The following NOCT variants were observed in gnomAD, a reference collection of about 807,000 sequenced individuals.
The protein encoded by NOCT is CCR4 carbon catabolite repression 4-like.
A neutral mutation model predicts 35.0 loss-of-function variants in NOCT; 18 were observed. The ratio of observed to expected loss-of-function variants is 0.51; its 90% CI spans 0.36 to 0.76. The LOEUF is 0.76. Among genes scored for constraint, NOCT ranks in the 30% least tolerant of loss-of-function variants. The probability of loss-of-function intolerance (pLI) is 0.01; values close to 1 mark genes in which losing one functional copy is unlikely to be tolerated. For synonymous variants in NOCT, 235 were observed against 226.3 expected (o/e 1.04, Z -0.34); for missense variants, 479 against 541.0 (o/e 0.89, Z 1.14).
chr4:139,042,472 G>T (rs1726849890), intron 1 of NOCT, among the ~76,000 whole-genome samples: 1 of 152,114 alleles, frequency 6.6e-6, no homozygotes, highest in African/African-American at 2.4e-5. Context: ...CAAATCCTAG[G>T]TTAGAAGAGG....
At chr4:139,026,553 C>CTT (rs112368628) in intron 1 of NOCT, among the ~76,000 whole-genome samples, 5 of 140,592 alleles carry the variant, frequency 3.6e-5, no homozygotes, top group Admixed American at 7.1e-5. Context: ...TTTCATACTT[C>CTT]TTTTTTTTTT....
intron 1 of NOCT, among the ~76,000 whole-genome samples, chr4:139,041,465 C>T (rs920059611): frequency 1.3e-5 from 2 of 152,200 alleles, no homozygotes; most frequent in Admixed American, 1.3e-4. Context: ...TTGGATGTTA[C>T]TCCCAGTAAA....
intron 1 of NOCT, among the ~76,000 whole-genome samples, chr4:139,029,862 G>A (rs1192928085): frequency 2.6e-5 from 4 of 152,102 alleles, no homozygotes; most frequent in Non-Finnish European, 1.5e-5. Flanking sequence ...TGATGGGTGC[G>A]CACACCACAG....
chr4:139,042,927 A>AG (rs1214317676), intron 1 of NOCT, 147 bp from the exon 2 acceptor site: 93 of 698,578 alleles, frequency 1.3e-4, no homozygotes, highest in Admixed American at 2.3e-4. Context: ...AAAAAAAAAA[A>AG]AAGAAAAAAG....
intron 1 of NOCT, among the ~76,000 whole-genome samples, chr4:139,041,299 TTGAGA>T: frequency 6.6e-6 from 1 of 152,212 alleles, no homozygotes; most frequent in East Asian, 1.9e-4. Context: ...GACTGCTAGT[TTGAGA>T]TGTGATTGAT....
intron 1 of NOCT, among the ~76,000 whole-genome samples, chr4:139,038,106 A>G (rs910807797): frequency 1.3e-5 from 2 of 151,912 alleles, no homozygotes; most frequent in African/African-American, 4.8e-5. Context: ...AGGCTGAGGA[A>G]GGAGAGTCGC....
In NOCT at chr4:139,045,007, G is replaced by T. The variant is rs764569893; in HGVS notation, c.829G>T (p.Gly277Cys). Residue 277 changes from glycine (G) to cysteine (C), a missense_variant, in exon 3 of 3, where the codon GGC (glycine) becomes TGC (cysteine). Around this residue, in one of 2 missense-constraint regions of NOCT, gnomAD observed 214 missense variants for 284.0 expected, o/e 0.75. Transcript: ENST00000280614. ...ACAGACCCTGGAGTGCAAGGAGTCAGGCCGACAGTTCTGCATCGCTGTTAC... is the reference window on the plus strand; with the variant it reads ...ACAGACCCTGGAGTGCAAGGAGTCATGCCGACAGTTCTGCATCGCTGTTAC... ...IAQTLECKESGRQFCIAVTHL... is the reference protein window; with the variant it reads ...IAQTLECKESCRQFCIAVTHL... 6.2e-7 allele frequency: 1 copy of T among 1,614,256 alleles called. No individual in the cohort carries two copies. The highest frequency in any genetic ancestry group is 8.5e-7 in the Non-Finnish European group (1 of 1,180,046).
At chr4:139,017,279 G>A (rs1417938722) in intron 1 of NOCT, among the ~76,000 whole-genome samples, 1 of 143,864 alleles carries the variant, frequency 7.0e-6, no homozygotes, top group Non-Finnish European at 1.5e-5. Flanking sequence ...CCAGGCTGGA[G>A]TGCAATGGCG....
At chr4:139,039,086 C>G (rs1726787438) in intron 1 of NOCT, among the ~76,000 whole-genome samples, 1 of 143,400 alleles carries the variant, frequency 7.0e-6, no homozygotes, top group Admixed American at 7.8e-5. Context: ...CCTGTAATCC[C>G]AGCACTGAGA....
rs1369598138 is a variant in NOCT, at chr4:139,043,302, A to AC, written c.422dup (p.Pro142ThrfsTer27). 1 of 1,614,036 alleles carries AC rather than the reference A, an allele frequency of 6.2e-7. No homozygotes were observed. Among genetic ancestry groups the AC allele is most frequent in the East Asian group, 2.2e-5 (1 of 44,872 alleles). ...CTGAGGACAGATTGCCCTAGTACCC[A>AC]CCCACCTATCAGGGTTATGCAATGG... On this transcript the variant is annotated frameshift_variant, in exon 2 of 3. Transcript: ENST00000280614. LOFTEE classifies it high-confidence loss of function.
At chr4:139,022,255 G>A (rs992845064) in intron 1 of NOCT, among the ~76,000 whole-genome samples, 5 of 152,132 alleles carry the variant, frequency 3.3e-5, no homozygotes, top group African/African-American at 1.2e-4. Context: ...TTCCCACGGA[G>A]GGAGTGAGAC....
At position 139,015,816 on chromosome 4, in the gene NOCT, T is replaced by A. The variant is rs929554353; in HGVS notation, c.-166T>A. 7 of 477,980 alleles carry A rather than the reference T, an allele frequency of 1.5e-5. No individual in the cohort carries two copies. In the Admixed American group the frequency reaches 2.4e-4, roughly 16 times the overall value. 29.6% of individuals were successfully genotyped at this position (477,980 alleles called of 1,614,324 possible). On this transcript the variant is annotated 5_prime_UTR_variant, in exon 1 of 3. Coordinates refer to ENST00000280614, the MANE Select transcript of NOCT (RefSeq NM_012118.4). ...GACGCAGCGGTGTTGCACCTCCCTC[T>A]CCGGCTCTGCTGCCCGGGATTTCCC...
chr4:139,021,737 C>T (rs554562809), intron 1 of NOCT, among the ~76,000 whole-genome samples: 2 of 149,738 alleles, frequency 1.3e-5, no homozygotes, highest in East Asian at 4.0e-4. Flanking sequence ...TGTCAGGAGT[C>T]ACTGGTGACT....
At chr4:139,032,491 C>CT (rs1340004553) in intron 1 of NOCT, among the ~76,000 whole-genome samples, 1 of 151,798 alleles carries the variant, frequency 6.6e-6, no homozygotes, top group Non-Finnish European at 1.5e-5. Context: ...CTCGTCTCTA[C>CT]TTTTTTAAAA....
In NOCT at chr4:139,044,597, G is replaced by A. The variant is rs369416575; in HGVS notation, c.461-42G>A. The A allele has an allele frequency of 3.9e-4, 522 of 1,339,690 alleles. 3 individuals are homozygous for A. Among genetic ancestry groups the A allele is most frequent in the Middle Eastern group, 9.9e-4 (5 of 5,064 alleles). 83.0% of individuals were successfully genotyped at this position (1,339,690 alleles called of 1,614,324 possible). A position where few individuals can be genotyped will look rare whatever the true frequency, so the allele number is the denominator to read the frequency against. Reference sequence around the variant, plus strand: ...AACCTCCTGGGTACTTTGAAGTCACGGTTTTGTAAGAGCTGACAACTGACT... The same window carrying A: ...AACCTCCTGGGTACTTTGAAGTCACAGTTTTGTAAGAGCTGACAACTGACT... On this transcript the variant is annotated intron_variant, in intron 2 of 2. Coordinates refer to ENST00000280614, the MANE Select transcript of NOCT (RefSeq NM_012118.4).
Position 139,045,041 on chromosome 4 carries a change from A to G in NOCT, c.863A>G (p.Lys288Arg). The change falls in exon 3 of 3, where the codon AAA becomes AGA. Residue 288 changes from lysine (K) to arginine (R), a missense_variant. Physicochemically the swap from Lys to Arg is conservative, Grantham distance 26 (BLOSUM62 2). Around this residue, in one of 2 missense-constraint regions of NOCT, gnomAD observed 214 missense variants for 284.0 expected, o/e 0.75. Transcript: ENST00000280614. ...RQFCIAVTHL[K>R]ARTGWERFRS... ...TTCTGCATCGCTGTTACCCATCTAAAAGCACGCACTGGCTGGGAGCGGTTT... is the reference window on the plus strand; with the variant it reads ...TTCTGCATCGCTGTTACCCATCTAAGAGCACGCACTGGCTGGGAGCGGTTT... 6.2e-7 allele frequency: 1 copy of G among 1,614,230 alleles called. No individual in the cohort carries two copies. Among genetic ancestry groups the G allele is most frequent in the Non-Finnish European group, 8.5e-7 (1 of 1,180,034 alleles).
At chr4:139,022,085 T>C (rs1384895541) in intron 1 of NOCT, among the ~76,000 whole-genome samples, 1 of 152,194 alleles carries the variant, frequency 6.6e-6, no homozygotes, top group Non-Finnish European at 1.5e-5. Context: ...AGGGCTTTGA[T>C]AGCCACTTAA....
rs549850270 is a variant in NOCT, at chr4:139,035,124, T to C, written c.191-7950T>C. Among the ~76,000 whole-genome samples, 10 of 151,984 alleles carry C rather than the reference T, an allele frequency of 6.6e-5. No homozygotes were observed. In the East Asian group the frequency reaches 2.0e-3, roughly 30 times the overall value. ...CTTCTGGTCGCTCAGCTGGAAACTG[T>C]GGACATTTTTTTTTTAAAGAGATAG... On this transcript the variant is annotated intron_variant, in intron 1 of 2. Transcript: ENST00000280614.
In NOCT at chr4:139,016,019, T is replaced by C; in HGVS notation, c.38T>C (p.Leu13Pro). The C allele has an allele frequency of 1.4e-6, 2 of 1,398,058 alleles. No homozygotes were observed. The highest frequency in any genetic ancestry group is 1.9e-6 in the Non-Finnish European group (2 of 1,077,266). 86.6% of individuals were successfully genotyped at this position (1,398,058 alleles called of 1,614,324 possible). The change falls in exon 1 of 3, where the codon CTG becomes CCG. Residue 13 changes from leucine to proline, a missense_variant. Around this residue, in one of 2 missense-constraint regions of NOCT, gnomAD observed 265 missense variants for 257.0 expected, o/e 1.03. Transcript: ENST00000280614. ...HSPRRLCSAL[L>P]QRDAPGLRRL... The stretch of plus-strand genomic sequence containing the variant: ...CCGCGGCGGCTCTGCTCGGCCCTGC[T>C]GCAGAGGGACGCGCCCGGCCTGCGC...
Sources: allele counts gnomAD v4.1 joint callset (sites outside exome capture counted in the v4.1 genomes callset), GRCh38; gene constraint gnomAD v4.1.1; regional missense constraint gnomAD v4.1.1; transcripts MANE v1.5; gene names NCBI Gene and HGNC (gene_info 2026-07-23, HGNC 2026-07-21).